THRB: variants seen among roughly 807,000 people sequenced by gnomAD.
THRB encodes the protein thyroid hormone receptor beta.
Under a neutral mutation model 47.8 loss-of-function variants are expected in THRB, and 12 were observed. The ratio of observed to expected loss-of-function variants is 0.25; its 90% CI spans 0.16 to 0.41. The LOEUF is 0.41. THRB is among the 10% of genes least tolerant of loss of function. The pLI is 1.00. For synonymous variants in THRB, 218 were observed against 212.2 expected (o/e 1.03, Z -0.24); for missense variants, 348 against 589.2 (o/e 0.59, Z 4.24).
chr3:24,390,991 T>C (rs1358779400), intron 1 of THRB, among the ~76,000 whole-genome samples: 1 of 152,018 alleles, frequency 6.6e-6, no homozygotes, highest in African/African-American at 2.4e-5. Flanking sequence ...AAAGCAAAGC[T>C]GAATCTTTTC....
At chr3:24,294,916 C>T (rs1559856814) in intron 3 of THRB, among the ~76,000 whole-genome samples, 1 of 152,202 alleles carries the variant, frequency 6.6e-6, no homozygotes, top group African/African-American at 2.4e-5. Context: ...TCAGCACAAT[C>T]ATCCAAGGTG....
intron 5 of THRB, among the ~76,000 whole-genome samples, chr3:24,167,520 A>T (rs1330058827): frequency 6.6e-6 from 1 of 152,218 alleles, no homozygotes; most frequent in African/African-American, 2.4e-5. Context: ...AAACCCCAGG[A>T]AAAAGGATCC....
intron 1 of THRB, among the ~76,000 whole-genome samples, chr3:24,473,134 CAT>C (rs926899507): frequency 1.3e-5 from 2 of 152,108 alleles, no homozygotes; most frequent in Non-Finnish European, 2.9e-5. Context: ...CACAAATAAA[CAT>C]GTAATAGAAA....
At chr3:24,179,514 C>T (rs58030287) in intron 5 of THRB, among the ~76,000 whole-genome samples, 9 of 152,122 alleles carry the variant, frequency 5.9e-5, no homozygotes, top group Non-Finnish European at 1.0e-4. Flanking sequence ...ATTATTTGCA[C>T]TATTACAACT....
chr3:24,161,651 C>CACACACACACACAG (rs1322886931), intron 5 of THRB, among the ~76,000 whole-genome samples: 1 of 150,792 alleles, frequency 6.6e-6, no homozygotes, highest in Non-Finnish European at 1.5e-5. Context: ...CACACACACA[C>CACACACACACACAG]ACAGACAGAA....
chr3:24,442,231 T>C (rs2071599422), intron 1 of THRB, among the ~76,000 whole-genome samples: 1 of 152,206 alleles, frequency 6.6e-6, no homozygotes, highest in African/African-American at 2.4e-5. Context: ...AATGTAATAA[T>C]AATACTATCT....
intron 5 of THRB, among the ~76,000 whole-genome samples, chr3:24,181,144 A>C (rs1324038397): frequency 6.6e-6 from 1 of 152,192 alleles, no homozygotes; most frequent in Non-Finnish European, 1.5e-5. Context: ...TGATTTCCCA[A>C]CTTATCCTGG....
intron 1 of THRB, among the ~76,000 whole-genome samples, chr3:24,349,237 G>A (rs2063211856): frequency 6.6e-6 from 1 of 151,982 alleles, no homozygotes. Flanking sequence ...CATAGATTGG[G>A]CGCCTCAATA....
chr3:24,126,957 G>C (rs1027055434), intron 10 of THRB, among the ~76,000 whole-genome samples: 3 of 152,212 alleles, frequency 2.0e-5, no homozygotes, highest in Non-Finnish European at 2.9e-5. Context: ...CCGGAGGAAA[G>C]GCCGCATAGA....
chr3:24,283,442 T>C (rs960147200), intron 3 of THRB, among the ~76,000 whole-genome samples: 6 of 151,732 alleles, frequency 4.0e-5, no homozygotes, highest in African/African-American at 9.7e-5. Context: ...CTCAAAATAA[T>C]AAGAGCTATT....
Position 24,118,185 on chromosome 3 carries a change from A to T in THRB, c.*4699T>A, listed in dbSNP as rs1215696778. ...CTCTTTGCCTATGTAGAAAATAATA[A>T]TATTTAAAGAAAGAGACAGGAAAAT... On this transcript the variant is annotated 3_prime_UTR_variant, in exon 11 of 11. Transcript: ENST00000646209. The T allele has an allele frequency of 6.6e-6, 1 of 152,670 alleles. No individual in the cohort carries two copies. The highest frequency in any genetic ancestry group is 2.4e-5 in the African/African-American group (1 of 41,468). 9.5% of individuals were successfully genotyped at this position (152,670 alleles called of 1,614,324 possible).
At chr3:24,193,743 C>T (rs762250247) in intron 4 of THRB, among the ~76,000 whole-genome samples, 2 of 152,078 alleles carry the variant, frequency 1.3e-5, no homozygotes, top group Admixed American at 6.5e-5. Context: ...GTGGGTCTAC[C>T]GTTTGATCCA....
chr3:24,427,623 A>G (rs1398182042), intron 1 of THRB, among the ~76,000 whole-genome samples: 2 of 152,200 alleles, frequency 1.3e-5, no homozygotes, highest in East Asian at 1.9e-4. Context: ...GAGCAAATTT[A>G]GAGATTATTA....
At chr3:24,330,216 A>T (rs1207941434) in intron 2 of THRB, among the ~76,000 whole-genome samples, 3 of 152,050 alleles carry the variant, frequency 2.0e-5, no homozygotes, top group African/African-American at 7.2e-5. Flanking sequence ...CTGAGGCAGG[A>T]GAATGGCGTG....
intron 4 of THRB, among the ~76,000 whole-genome samples, chr3:24,218,545 GT>G (rs138653166): frequency 0.029 from 4,280 of 148,132 alleles, 201 homozygotes; most frequent in African/African-American, 0.096. Context: ...ATTTACATTT[GT>G]TTTTTTTTTC....
Position 24,121,099 on chromosome 3 carries a change from T to G in THRB, c.*1785A>C, listed in dbSNP as rs1351389948. The G allele has an allele frequency of 6.6e-6, 1 of 151,780 alleles. No homozygotes were observed. Among genetic ancestry groups the G allele is most frequent in the Non-Finnish European group, 1.5e-5 (1 of 68,028 alleles). 9.4% of individuals were successfully genotyped at this position (151,780 alleles called of 1,614,324 possible). A position where few individuals can be genotyped will look rare whatever the true frequency, so the allele number is the denominator to read the frequency against. ...CTTCTTGTCTAATAAAGTTAGGAAT[T>G]TAAGTGTTAAAAAAAAATAATTAAA... is the stretch of plus-strand genomic sequence containing the variant. On this transcript the variant is annotated 3_prime_UTR_variant, in exon 11 of 11. Coordinates refer to ENST00000646209, the MANE Select transcript of THRB (RefSeq NM_001354712.2).
At chr3:24,316,613 A>G (rs1031703525) in intron 2 of THRB, among the ~76,000 whole-genome samples, 11 of 152,126 alleles carry the variant, frequency 7.2e-5, no homozygotes, top group East Asian at 1.9e-4. Flanking sequence ...AATTATTGCA[A>G]TGTTATCCAA....
chr3:24,402,459 G>A (rs1435846571), intron 1 of THRB, among the ~76,000 whole-genome samples: 1 of 148,710 alleles, frequency 6.7e-6, no homozygotes, highest in African/African-American at 2.5e-5. Flanking sequence ...CACTTAATTT[G>A]GGATGAGGTT....
At chr3:24,150,229 A>G (rs1026688047) in intron 6 of THRB, among the ~76,000 whole-genome samples, 1 of 152,210 alleles carries the variant, frequency 6.6e-6, no homozygotes, top group Non-Finnish European at 1.5e-5. Context: ...CTCCATACAC[A>G]TTGCAAGTAT....
Sources: allele counts gnomAD v4.1 joint callset (sites outside exome capture counted in the v4.1 genomes callset), GRCh38; gene constraint gnomAD v4.1.1; transcripts MANE v1.5; gene names NCBI Gene and HGNC (gene_info 2026-07-23, HGNC 2026-07-21).